The following ROBO2 variants were observed in gnomAD, a reference collection of about 807,000 sequenced individuals.
The protein encoded by ROBO2 is roundabout homolog 2.
In ROBO2, 53 loss-of-function variants were observed where a neutral mutation model predicts 160.8. The ratio of observed to expected loss-of-function variants is 0.33; its 90% CI spans 0.26 to 0.41. The LOEUF (loss-of-function observed/expected upper bound fraction) is 0.41, where lower values mean the gene tolerates loss of function less well. Ranked by LOEUF, ROBO2 falls within the 10% of genes least tolerant of loss-of-function variation. ROBO2 has a pLI of 1.00. For missense variants in ROBO2, 1,577 were observed against 1,722.4 expected (o/e 0.92, Z 1.49); for synonymous variants, 664 against 611.7 (o/e 1.09, Z -1.26).
Position 76,656,131 on chromosome 3 carries a change from G to A in ROBO2, c.110-441883G>A, listed in dbSNP as rs141217707. ...AAATCTAGAAAAATGTATATAATAA[G>A]TTGCTCATGATGGAGTTTTAGGAAG... On this transcript the variant is annotated intron_variant, in intron 2 of 26. Coordinates refer to the ROBO2 transcript ENST00000487694. 3.4e-3 allele frequency among the ~76,000 whole-genome samples: 516 copies of A among 152,184 alleles called. 3 individuals carry two copies. Among genetic ancestry groups the A allele is most frequent in the African/African-American group, 0.012 (497 of 41,550 alleles).
chr3:75,975,047 T>C (rs1441370408), intron 2 of ROBO2, among the ~76,000 whole-genome samples: 1 of 151,448 alleles, frequency 6.6e-6, no homozygotes, highest in Non-Finnish European at 1.5e-5. Context: ...CTAAAAAAAA[T>C]TGAATTATTT....
intron 4 of ROBO2, among the ~76,000 whole-genome samples, chr3:77,488,335 T>G (rs549181605): frequency 2.3e-4 from 35 of 152,318 alleles, no homozygotes; most frequent in African/African-American, 8.2e-4. Context: ...TGCAGTTATA[T>G]AATTAGAGAT....
intron 2 of ROBO2, among the ~76,000 whole-genome samples, chr3:75,970,263 A>G (rs1184450265): frequency 6.6e-6 from 1 of 151,554 alleles, no homozygotes; most frequent in African/African-American, 2.4e-5. Flanking sequence ...TTTAATAGAC[A>G]TATCCAATAG....
At chr3:76,298,737 TTCCG>T (rs1559731762) in intron 2 of ROBO2, among the ~76,000 whole-genome samples, 1 of 152,212 alleles carries the variant, frequency 6.6e-6, no homozygotes, top group Non-Finnish European at 1.5e-5. Context: ...TTAACCAAGA[TTCCG>T]CCATTGGTTA....
At chr3:76,125,425 A>T (rs184201021) in intron 2 of ROBO2, among the ~76,000 whole-genome samples, 1 of 152,142 alleles carries the variant, frequency 6.6e-6, no homozygotes, top group Admixed American at 6.6e-5. Context: ...TCTTCAGACT[A>T]CTTTCCACAG....
intron 5 of ROBO2, among the ~76,000 whole-genome samples, chr3:77,518,905 G>C (rs1161052197): frequency 6.6e-6 from 1 of 151,370 alleles, no homozygotes; most frequent in African/African-American, 2.4e-5. Context: ...AATGGATTTA[G>C]TTACTTTCCG....
chr3:77,013,364 G>T lies in ROBO2; in HGVS notation c.110-84650G>T, dbSNP rs2062031694. Among the ~76,000 whole-genome samples, 4 of 152,180 alleles carry T rather than the reference G, an allele frequency of 2.6e-5. No homozygotes were observed. In the South Asian group the frequency reaches 8.3e-4, roughly 32 times the overall value. On this transcript the variant is annotated intron_variant, in intron 2 of 26. Coordinates refer to the ROBO2 transcript ENST00000487694. ...GTTGGGTTTATAATGGAAAAGGCAT[G>T]ATTTTGGAGTGAAATACAAAGAAGA...
intron 16 of ROBO2, among the ~76,000 whole-genome samples, chr3:77,580,620 G>T (rs2093892267): frequency 6.6e-6 from 1 of 152,020 alleles, no homozygotes; most frequent in Non-Finnish European, 1.5e-5. Context: ...CATAGATTAT[G>T]TTTGTCTGTT....
rs71104648 is a variant in ROBO2, at chr3:77,057,569, A to ATTTTTTTTTT, written c.61+16734_61+16743dup. On this transcript the variant is annotated intron_variant, in intron 1 of 25. Coordinates refer to ENST00000461745, the Ensembl canonical transcript of ROBO2. ...AGCTATACCTTTTAGATTCCAGAGG[A>ATTTTTTTTTT]TTTTTTTTTTTTTTTTTTTTGAGAT... Among the ~76,000 whole-genome samples the ATTTTTTTTTT allele has an allele frequency of 1.0e-4, 11 of 105,262 alleles. 1 individual carries two copies. The highest frequency in any genetic ancestry group is 3.1e-4 in the East Asian group (1 of 3,214). The allele number at this position is 105,262 out of a possible 152,430, so 69.1% of individuals were successfully genotyped here.
intron 2 of ROBO2, among the ~76,000 whole-genome samples, chr3:76,458,699 T>C (rs909463358): frequency 1.3e-5 from 2 of 152,132 alleles, no homozygotes; most frequent in Admixed American, 6.5e-5. Context: ...GACTTACAGT[T>C]CCACATGGCT....
intron 2 of ROBO2, among the ~76,000 whole-genome samples, chr3:76,456,150 C>T (rs914620040): frequency 1.3e-5 from 2 of 152,260 alleles, no homozygotes; most frequent in Non-Finnish European, 2.9e-5. Context: ...GGACTAGTAC[C>T]TAACAGCAGG....
chr3:77,214,723 A>G (rs1424365530), intron 2 of ROBO2, among the ~76,000 whole-genome samples: 8 of 150,148 alleles, frequency 5.3e-5, no homozygotes, highest in Non-Finnish European at 1.0e-4. Context: ...GGTACCAGTT[A>G]TTCCTTTCCA....
intron 13 of ROBO2, among the ~76,000 whole-genome samples, chr3:77,571,455 A>G (rs1379981380): frequency 6.6e-6 from 1 of 152,052 alleles, no homozygotes; most frequent in Admixed American, 6.6e-5. Flanking sequence ...TATATCAGTC[A>G]CTTGATTGTT....
chr3:77,492,470 C>A, intron 4 of ROBO2, among the ~76,000 whole-genome samples: 1 of 151,114 alleles, frequency 6.6e-6, no homozygotes, highest in Admixed American at 6.6e-5. Context: ...TTTAACAGTG[C>A]CAAATACAGA....
chr3:76,850,135 G>T (rs1369360756), intron 2 of ROBO2, among the ~76,000 whole-genome samples: 1 of 152,012 alleles, frequency 6.6e-6, no homozygotes, highest in Non-Finnish European at 1.5e-5. Flanking sequence ...TGCTTGCAGT[G>T]AGTCAAGATC....
chr3:76,567,634 T>C (rs1213216368), intron 2 of ROBO2, among the ~76,000 whole-genome samples: 1 of 84,602 alleles, frequency 1.2e-5, no homozygotes, highest in African/African-American at 4.3e-5. Flanking sequence ...TATATATATA[T>C]ATATATATAT....
At chr3:77,322,301 T>A (rs1374999422) in intron 2 of ROBO2, among the ~76,000 whole-genome samples, 2 of 152,126 alleles carry the variant, frequency 1.3e-5, no homozygotes, top group African/African-American at 2.4e-5. Flanking sequence ...CTGTATTGTA[T>A]GACTGGAAAA....
rs575067777 is a variant in ROBO2 at position 77,304,530 on chromosome 3, C to T, written c.389-172884C>T. Among the ~76,000 whole-genome samples, 21 of 152,264 alleles carry T rather than the reference C, an allele frequency of 1.4e-4. 1 individual carries two copies. The South Asian group carries it at 3.9e-3, about 29-fold the overall frequency. The stretch of plus-strand genomic sequence containing the variant: ...ATATTACTGCAGAGGCTTTTCAGGG[C>T]TGCCAGCGCACTCAACTTACAAATG... On this transcript the variant is annotated intron_variant, in intron 2 of 25. Coordinates refer to ENST00000461745, the Ensembl canonical transcript of ROBO2.
chr3:77,020,551 A>C (rs181159243), intron 2 of ROBO2, among the ~76,000 whole-genome samples: 1 of 152,346 alleles, frequency 6.6e-6, no homozygotes, highest in African/African-American at 2.4e-5. Context: ...GTATAAGGAA[A>C]CAAAGAATAA....
Sources: gnomAD v4.1 joint callset for allele counts (sites outside exome capture counted in the v4.1 genomes callset) on GRCh38, gnomAD v4.1.1 for gene constraint, MANE v1.5 for transcripts, NCBI Gene and HGNC (gene_info 2026-07-23, HGNC 2026-07-21) for gene names.